Variants in CSMD1 observed in about 807,000 individuals in gnomAD.
CSMD1 encodes CUB and Sushi multiple domains 1, also known as CUB and sushi domain-containing protein 1.
In CSMD1, 213 loss-of-function variants were observed where a neutral mutation model predicts 417.5. The observed-to-expected ratio is 0.51, with a 90% CI of 0.46 to 0.57. The LOEUF is 0.57. Among genes scored for constraint, CSMD1 ranks in the 20% least tolerant of loss-of-function variants. CSMD1 has a pLI of 0.00. For synonymous variants in CSMD1, 2,862 were observed against 1,736.8 expected (o/e 1.65, Z -16.11); for missense variants, 6,923 against 4,529.7 (o/e 1.53, Z -15.17).
intron 2 of CSMD1, among the ~76,000 whole-genome samples, chr8:4,628,863 G>T (rs1335231228): frequency 6.6e-6 from 1 of 151,980 alleles, no homozygotes; most frequent in East Asian, 1.9e-4. Context: ...ATTCGTTGAT[G>T]GTGTTTTATT....
At chr8:3,892,622 C>A (rs554293335) in intron 5 of CSMD1, among the ~76,000 whole-genome samples, 1 of 151,952 alleles carries the variant, frequency 6.6e-6, no homozygotes, top group African/African-American at 2.4e-5. Flanking sequence ...CACTCTGGTG[C>A]ACGTCAGTAC....
chr8:4,732,799 G>C (rs969839667), intron 1 of CSMD1, among the ~76,000 whole-genome samples: 1 of 152,170 alleles, frequency 6.6e-6, no homozygotes, highest in Non-Finnish European at 1.5e-5. Context: ...CCAGGATTTA[G>C]TAACTCCAGG....
intron 5 of CSMD1, among the ~76,000 whole-genome samples, chr8:3,817,976 C>T (rs564837848): frequency 9.9e-5 from 15 of 152,256 alleles, no homozygotes; most frequent in East Asian, 3.9e-4. Flanking sequence ...GGTATACTTA[C>T]TTGTATTTTA....
chr8:4,498,640 T>G (rs1228252961), intron 2 of CSMD1, among the ~76,000 whole-genome samples: 1 of 152,196 alleles, frequency 6.6e-6, no homozygotes, highest in African/African-American at 2.4e-5. Flanking sequence ...AGTTACTTCT[T>G]TCTAATTTTA....
At chr8:4,033,130 G>GAGAA (rs1554521980) in intron 3 of CSMD1, among the ~76,000 whole-genome samples, 1 of 80,658 alleles carries the variant, frequency 1.2e-5, no homozygotes, top group African/African-American at 5.1e-5. Flanking sequence ...TTTCCAATAT[G>GAGAA]AAAAAAAAAA....
At chr8:4,153,436 A>G (rs1376093391) in intron 3 of CSMD1, among the ~76,000 whole-genome samples, 1 of 152,164 alleles carries the variant, frequency 6.6e-6, no homozygotes, top group Non-Finnish European at 1.5e-5. Flanking sequence ...TGTGCCCCGC[A>G]CTTAGCAGAT....
chr8:3,922,086 T>C (rs1404352265), intron 5 of CSMD1, among the ~76,000 whole-genome samples: 1 of 152,142 alleles, frequency 6.6e-6, no homozygotes, highest in Non-Finnish European at 1.5e-5. Flanking sequence ...TATATAATTT[T>C]ATATAGTTTT....
At chr8:2,949,919 T>C (rs1802509831) in intron 67 of CSMD1, among the ~76,000 whole-genome samples, 1 of 152,182 alleles carries the variant, frequency 6.6e-6, no homozygotes, top group Non-Finnish European at 1.5e-5. Context: ...TTGGAAAATT[T>C]CTGATGGCAC....
At chr8:3,505,594 C>T (rs897274037) in intron 10 of CSMD1, among the ~76,000 whole-genome samples, 1 of 152,132 alleles carries the variant, frequency 6.6e-6, no homozygotes, top group Non-Finnish European at 1.5e-5. Context: ...GAATTCTGTA[C>T]ACAAACCCAG....
At chr8:3,240,895 T>C (rs572770957) in intron 26 of CSMD1, among the ~76,000 whole-genome samples, 2,934 of 152,084 alleles carry the variant, frequency 0.019, 86 homozygotes, top group African/African-American at 0.067. Flanking sequence ...CTTTAAGAGG[T>C]CATGCTGTAG....
chr8:2,986,032 G>A (rs138125630), intron 54 of CSMD1, among the ~76,000 whole-genome samples: 1,624 of 146,494 alleles, frequency 0.011, 21 homozygotes, highest in Middle Eastern at 0.027. Context: ...GGAGAAAACC[G>A]TCTCCATAGA....
chr8:4,518,721 T>A (rs944110521), intron 2 of CSMD1, among the ~76,000 whole-genome samples: 33 of 151,950 alleles, frequency 2.2e-4, no homozygotes, highest in Admixed American at 1.4e-3. Flanking sequence ...CATATGTAAC[T>A]AACCTGCACG....
chr8:3,258,632 A>G (rs1053733531), intron 26 of CSMD1, among the ~76,000 whole-genome samples: 10 of 152,324 alleles, frequency 6.6e-5, no homozygotes, highest in African/African-American at 2.4e-4. Context: ...TTATAAAGAC[A>G]CATGCATGCA....
intron 1 of CSMD1, among the ~76,000 whole-genome samples, chr8:4,675,886 C>T (rs1380096269): frequency 1.3e-5 from 2 of 152,244 alleles, no homozygotes; most frequent in South Asian, 4.1e-4. Context: ...CAAAAAGTAT[C>T]TAAACTATCA....
intron 3 of CSMD1, among the ~76,000 whole-genome samples, chr8:4,214,849 C>T (rs964032476): frequency 1.3e-5 from 2 of 151,924 alleles, no homozygotes; most frequent in African/African-American, 4.8e-5. Flanking sequence ...AAACTATGAC[C>T]ACCAGGTTTA....
intron 1 of CSMD1, among the ~76,000 whole-genome samples, chr8:4,695,206 T>A (rs1807041606): frequency 6.6e-6 from 1 of 152,138 alleles, no homozygotes; most frequent in Non-Finnish European, 1.5e-5. Context: ...TCATTTCCCT[T>A]CCTATGGAAA....
chr8:3,499,038 TG>T (rs1455343443), intron 10 of CSMD1, among the ~76,000 whole-genome samples: 1 of 152,114 alleles, frequency 6.6e-6, no homozygotes, highest in Non-Finnish European at 1.5e-5. Flanking sequence ...TTTGTTCCCT[TG>T]GGGGTGTCAT....
At chr8:3,447,087 T>C (rs548113370) in intron 12 of CSMD1, among the ~76,000 whole-genome samples, 1 of 152,196 alleles carries the variant, frequency 6.6e-6, no homozygotes, top group Non-Finnish European at 1.5e-5. Context: ...TGTTATATTT[T>C]GAGTACCTCA....
chr8:4,261,212 G>C (rs1008216990), intron 3 of CSMD1, among the ~76,000 whole-genome samples: 2 of 152,140 alleles, frequency 1.3e-5, no homozygotes, highest in Admixed American at 1.3e-4. Flanking sequence ...CTAGAGAAAG[G>C]AGGACCAGCC....
Sources: gnomAD v4.1 joint callset for allele counts (sites outside exome capture counted in the v4.1 genomes callset) on GRCh38, gnomAD v4.1.1 for gene constraint, MANE v1.5 for transcripts, NCBI Gene and HGNC (gene_info 2026-07-23, HGNC 2026-07-21) for gene names.